Variants in ITFG1 observed in about 807,000 individuals in gnomAD.
The protein encoded by ITFG1 is integrin alpha FG-GAP repeat containing 1.
Under a neutral mutation model 81.8 loss-of-function variants are expected in ITFG1, and 34 were observed. The observed-to-expected ratio is 0.42, with a 90% CI of 0.32 to 0.55. The LOEUF (loss-of-function observed/expected upper bound fraction) is 0.55. ITFG1 is among the 20% of genes least tolerant of loss of function. The pLI is 0.17. For synonymous variants in ITFG1, 285 were observed against 270.6 expected, an observed-to-expected ratio of 1.05 and a Z score of -0.52; for missense variants, 672 against 755.4, an observed-to-expected ratio of 0.89 and a Z score of 1.29.
intron 14 of ITFG1, among the ~76,000 whole-genome samples, chr16:47,182,719 T>C (rs901567373): frequency 1.3e-5 from 2 of 152,204 alleles, no homozygotes; most frequent in Admixed American, 6.5e-5. Flanking sequence ...TAATTAATAG[T>C]ACTTAACTTC....
chr16:47,221,971 CTCT>C (rs1965697307), intron 13 of ITFG1, among the ~76,000 whole-genome samples: 1 of 152,020 alleles, frequency 6.6e-6, no homozygotes, highest in Non-Finnish European at 1.5e-5. Flanking sequence ...TGATTCTTCT[CTCT>C]TTTTTTCTTT....
At chr16:47,420,719 C>T (rs1968935572) in intron 6 of ITFG1, among the ~76,000 whole-genome samples, 1 of 152,198 alleles carries the variant, frequency 6.6e-6, no homozygotes, top group African/African-American at 2.4e-5. Flanking sequence ...AGCTCCCTTT[C>T]ACCTTCCACC....
At chr16:47,245,209 CATGGTGGTGTGTGCCTGTA>C (rs1367256127) in intron 12 of ITFG1, among the ~76,000 whole-genome samples, 9 of 151,906 alleles carry the variant, frequency 5.9e-5, no homozygotes, top group Non-Finnish European at 1.2e-4. Flanking sequence ...ATTAGCCAGG[CATGGTGGTGTGTGCCTGTA>C]ATACCAGCTA....
intron 8 of ITFG1, among the ~76,000 whole-genome samples, chr16:47,345,441 C>A (rs1057465512): frequency 6.6e-6 from 1 of 152,090 alleles, no homozygotes; most frequent in East Asian, 1.9e-4. Context: ...GCTGGGATTA[C>A]AGATGCGTGC....
chr16:47,408,770 T>A (rs1596963759), intron 6 of ITFG1, among the ~76,000 whole-genome samples: 1 of 152,320 alleles, frequency 6.6e-6, no homozygotes, highest in East Asian at 1.9e-4. Flanking sequence ...GGGACAGTGA[T>A]CCCAGTCAGC....
At chr16:47,351,699 T>C (rs988065724) in intron 8 of ITFG1, among the ~76,000 whole-genome samples, 2 of 143,332 alleles carry the variant, frequency 1.4e-5, no homozygotes, top group Non-Finnish European at 3.0e-5. Context: ...TTCAGAGAAT[T>C]GGAAAAAGCT....
intron 6 of ITFG1, among the ~76,000 whole-genome samples, chr16:47,390,972 T>A (rs1968522922): frequency 6.6e-6 from 1 of 152,010 alleles, no homozygotes; most frequent in African/African-American, 2.4e-5. Flanking sequence ...TTATATGAAG[T>A]TGAAGTGAAA....
chr16:47,262,222 A>G (rs1189941551), intron 10 of ITFG1, among the ~76,000 whole-genome samples: 3 of 152,254 alleles, frequency 2.0e-5, no homozygotes, highest in African/African-American at 7.2e-5. Context: ...TAACAAATGA[A>G]AAAAATCTTT....
At chr16:47,242,015 G>A (rs980044307) in intron 12 of ITFG1, among the ~76,000 whole-genome samples, 2 of 151,934 alleles carry the variant, frequency 1.3e-5, no homozygotes, top group Non-Finnish European at 2.9e-5. Flanking sequence ...TTCTTTCGGT[G>A]GTGATGACTA....
intron 5 of ITFG1, among the ~76,000 whole-genome samples, chr16:47,443,513 G>T (rs982390560): frequency 3.3e-5 from 5 of 152,138 alleles, no homozygotes; most frequent in Admixed American, 2.6e-4. Flanking sequence ...GGCCAAAAAT[G>T]ATAGACTGGA....
At chr16:47,399,170 G>A (rs559469209) in intron 6 of ITFG1, among the ~76,000 whole-genome samples, 10 of 152,334 alleles carry the variant, frequency 6.6e-5, no homozygotes, top group Non-Finnish European at 1.3e-4. Context: ...AAGGCAAATG[G>A]AGGGATTCTA....
chr16:47,288,471 TG>T (rs1966878701), intron 10 of ITFG1, among the ~76,000 whole-genome samples: 1 of 152,228 alleles, frequency 6.6e-6, no homozygotes, highest in South Asian at 2.1e-4. Context: ...CTGGAACGTA[TG>T]GCAGGTATGA....
chr16:47,426,730 C>T (rs764566530), intron 6 of ITFG1, among the ~76,000 whole-genome samples: 7 of 151,560 alleles, frequency 4.6e-5, no homozygotes, highest in African/African-American at 7.3e-5. Flanking sequence ...GAAAATCGTA[C>T]GTCAATAATG....
At chr16:47,171,618 A>G (rs140719316) in intron 14 of ITFG1, among the ~76,000 whole-genome samples, 69 of 152,134 alleles carry the variant, frequency 4.5e-4, no homozygotes, top group African/African-American at 1.5e-3. Flanking sequence ...ATGGTATAAA[A>G]TTAGGTTGCT....
intron 8 of ITFG1, among the ~76,000 whole-genome samples, chr16:47,345,890 T>C (rs750882852): frequency 4.6e-5 from 7 of 152,096 alleles, no homozygotes; most frequent in African/African-American, 1.2e-4. Context: ...CACCTAAATA[T>C]ATAGAGCAAA....
intron 14 of ITFG1, among the ~76,000 whole-genome samples, chr16:47,181,552 G>C (rs1402953454): frequency 2.1e-5 from 2 of 97,086 alleles, no homozygotes; most frequent in Non-Finnish European, 3.9e-5. Context: ...GCAGGGAGGT[G>C]GGGGGGGGTC....
chr16:47,276,697 T>C (rs919235824), intron 10 of ITFG1, among the ~76,000 whole-genome samples: 10 of 152,012 alleles, frequency 6.6e-5, no homozygotes, highest in African/African-American at 2.4e-4. Flanking sequence ...GGCACCAAAA[T>C]AGAAGGCACA....
chr16:47,306,531 C>CA (rs1330017168), intron 10 of ITFG1, among the ~76,000 whole-genome samples: 1 of 151,732 alleles, frequency 6.6e-6, no homozygotes, highest in African/African-American at 2.4e-5. Context: ...ACAATGAAAC[C>CA]ACTTATTATC....
chr16:47,359,878 C>T (rs979290212), intron 8 of ITFG1, among the ~76,000 whole-genome samples: 3 of 152,192 alleles, frequency 2.0e-5, no homozygotes, highest in Non-Finnish European at 4.4e-5. Flanking sequence ...AGAGCTCTTA[C>T]AACTTTCTAA....
Sources: gnomAD v4.1 joint callset for allele counts (sites outside exome capture counted in the v4.1 genomes callset) on GRCh38, gnomAD v4.1.1 for gene constraint, MANE v1.5 for transcripts, NCBI Gene and HGNC (gene_info 2026-07-23, HGNC 2026-07-21) for gene names.